Variants in CLASP2 observed in about 807,000 individuals in gnomAD.
The protein encoded by CLASP2 is cytoplasmic linker associated protein 2, also known as CLIP-associating protein 2.
In CLASP2, 47 loss-of-function variants were observed where a neutral mutation model predicts 194.4. The ratio of observed to expected loss-of-function variants is 0.24; its 90% CI spans 0.19 to 0.31. The LOEUF is 0.31. CLASP2 is among the 10% of genes least tolerant of loss of function. CLASP2 has a pLI of 1.00. For synonymous variants in CLASP2, 619 were observed against 633.5 expected (o/e 0.98, Z 0.34); for missense variants, 1,445 against 1,823.6 (o/e 0.79, Z 3.78).
At chr3:33,570,594 C>A in intron 26 of CLASP2, 133 bp downstream of exon 26, 1 of 1,159,724 alleles carries the variant, frequency 8.6e-7, no homozygotes, top group Non-Finnish European at 1.2e-6. Flanking sequence ...TGATACCAAA[C>A]AATTTTAATT....
At chr3:33,699,872 CAAAAAA>C (rs34347002) in intron 1 of CLASP2, among the ~76,000 whole-genome samples, 3 of 93,930 alleles carry the variant, frequency 3.2e-5, no homozygotes, top group African/African-American at 1.1e-4. Flanking sequence ...ATTGTACTAC[CAAAAAA>C]AAAAAAAAAA....
chr3:33,577,359 G>T, intron 23 of CLASP2: 1 of 940,168 alleles, frequency 1.1e-6, no homozygotes, highest in Non-Finnish European at 1.6e-6. Flanking sequence ...AGTTAACACT[G>T]GTGTTATTCT....
intron 24 of CLASP2, 39 bp downstream of exon 24, chr3:33,576,130 T>A (rs138812396): frequency 6.5e-7 from 1 of 1,527,548 alleles, no homozygotes; most frequent in Non-Finnish European, 9.1e-7. Context: ...AGTTTCGTAA[T>A]TGGAACATTT....
intron 12 of CLASP2, among the ~76,000 whole-genome samples, chr3:33,617,886 C>T (rs1312184765): frequency 6.7e-6 from 1 of 149,488 alleles, no homozygotes; most frequent in Non-Finnish European, 1.5e-5. Flanking sequence ...AAAAGGACTC[C>T]AGGAAGAAGA....
intron 22 of CLASP2, 53 bp from the exon 23 acceptor site, chr3:33,581,981 T>C (rs535237315): frequency 7.5e-5 from 99 of 1,319,466 alleles, no homozygotes; most frequent in Admixed American, 1.8e-4. Context: ...AGAACAGAGT[T>C]TGCATTTTAA....
chr3:33,688,199 T>TC (rs2090932099), intron 4 of CLASP2, 78 bp downstream of exon 4: 4 of 1,040,810 alleles, frequency 3.8e-6, no homozygotes, highest in Admixed American at 5.9e-5. Flanking sequence ...ACCATAGCTT[T>TC]CCTTGACTTT....
chr3:33,602,981 G>T lies in CLASP2; in HGVS notation c.1895C>A (p.Ala632Asp), dbSNP rs757335504. 1 of 1,610,536 alleles carries T rather than the reference G, an allele frequency of 6.2e-7. No homozygotes were observed. The highest frequency in any genetic ancestry group is 1.1e-5 in the South Asian group (1 of 90,128). The change falls in exon 18 of 39, where the codon GCC becomes GAC. Residue 632 changes from alanine (A) to aspartate (D), a missense_variant. Physicochemically the swap from Ala to Asp is moderately radical, Grantham distance 126 (BLOSUM62 -2). Around this residue, in one of 4 missense-constraint regions of CLASP2, gnomAD observed 174 missense variants for 179.0 expected, o/e 0.97. Coordinates refer to ENST00000682230, the MANE Select transcript of CLASP2 (RefSeq NM_001365631.1). ...TGACGCATAGGAACCTGCATTCAGG[G>T]CACCTGCACCTAAGCGCCCGCTTCG... The part of the protein sequence containing the change: ...SVRSGRLGAG[A>D]LNAGSYASLE...
intron 4 of CLASP2, among the ~76,000 whole-genome samples, chr3:33,687,968 C>A (rs2090900083): frequency 6.6e-6 from 1 of 152,124 alleles, no homozygotes; most frequent in African/African-American, 2.4e-5. Context: ...AAAGCAATTC[C>A]AAATTCAATC....
intron 29 of CLASP2, among the ~76,000 whole-genome samples, chr3:33,555,887 T>C (rs2060837922): frequency 6.6e-6 from 1 of 152,264 alleles, no homozygotes; most frequent in Admixed American, 6.5e-5. Flanking sequence ...AGAATGTATG[T>C]GTTTACTATA....
intron 11 of CLASP2, among the ~76,000 whole-genome samples, chr3:33,620,935 A>G (rs2076993463): frequency 6.6e-6 from 1 of 151,730 alleles, no homozygotes; most frequent in Non-Finnish European, 1.5e-5. Flanking sequence ...TGTACCTTTT[A>G]CATGGGCAGG....
At chr3:33,506,825 TTAA>T (rs2048377006) in intron 37 of CLASP2, among the ~76,000 whole-genome samples, 1 of 152,234 alleles carries the variant, frequency 6.6e-6, no homozygotes, top group Admixed American at 6.5e-5. Context: ...CATTGATCTA[TTAA>T]GTCTACCTTT....
At chr3:33,698,984 A>T (rs911856574) in intron 1 of CLASP2, among the ~76,000 whole-genome samples, 15 of 152,218 alleles carry the variant, frequency 9.9e-5, no homozygotes, top group Non-Finnish European at 1.3e-4. Flanking sequence ...AGAGCCAACA[A>T]CATGCAGGAA....
chr3:33,577,390 A>C, intron 23 of CLASP2: 1 of 676,902 alleles, frequency 1.5e-6, no homozygotes, highest in East Asian at 3.0e-5. Context: ...TGATCAGAGT[A>C]TTGCCAAATA....
chr3:33,696,598 T>A (rs181399670), intron 2 of CLASP2, among the ~76,000 whole-genome samples: 2 of 152,020 alleles, frequency 1.3e-5, no homozygotes, highest in African/African-American at 4.8e-5. Context: ...CCCAAGTAGC[T>A]GGGATTACAG....
intron 6 of CLASP2, among the ~76,000 whole-genome samples, chr3:33,670,648 C>T (rs1454562556): frequency 6.6e-6 from 1 of 152,144 alleles, no homozygotes; most frequent in African/African-American, 2.4e-5. Flanking sequence ...CTTACCAGAG[C>T]ATAACCCATC....
intron 1 of CLASP2, among the ~76,000 whole-genome samples, chr3:33,712,378 A>T (rs899206235): frequency 1.3e-5 from 2 of 152,188 alleles, no homozygotes; most frequent in South Asian, 4.1e-4. Context: ...GGGTTGAGGG[A>T]TAAAAGACTA....
At chr3:33,517,889 A>G (rs1575754301) in intron 34 of CLASP2, among the ~76,000 whole-genome samples, 2 of 152,288 alleles carry the variant, frequency 1.3e-5, no homozygotes, top group East Asian at 3.9e-4. Flanking sequence ...CCTGGGCTCA[A>G]GTGATCTACT....
intron 32 of CLASP2, among the ~76,000 whole-genome samples, chr3:33,540,180 T>G (rs1047603125): frequency 3.4e-4 from 51 of 151,990 alleles, no homozygotes; most frequent in Non-Finnish European, 1.3e-4. Flanking sequence ...TCTGCCCACC[T>G]TGGCCTCCCA....
At chr3:33,618,130 T>C (rs538046366) in intron 12 of CLASP2, among the ~76,000 whole-genome samples, 57 of 151,588 alleles carry the variant, frequency 3.8e-4, no homozygotes, top group African/African-American at 1.4e-3. Context: ...GTATTTTTAG[T>C]AGAGACTGGG....
Sources: gnomAD v4.1 joint callset for allele counts (sites outside exome capture counted in the v4.1 genomes callset) on GRCh38, gnomAD v4.1.1 for gene constraint, gnomAD v4.1.1 regional missense constraint, MANE v1.5 for transcripts, NCBI Gene and HGNC (gene_info 2026-07-23, HGNC 2026-07-21) for gene names.